Variants in GRM7 observed in about 807,000 individuals in gnomAD.
GRM7 encodes metabotropic glutamate receptor 7.
A neutral mutation model predicts 84.5 loss-of-function variants in GRM7; 35 were observed. That is an observed-to-expected ratio of 0.41 (90% confidence interval 0.32 to 0.55). The LOEUF is 0.55. Among genes scored for constraint, GRM7 ranks in the 20% least tolerant of loss-of-function variants. The pLI is 0.19. For missense variants in GRM7, 1,003 were observed against 1,194.6 expected, an observed-to-expected ratio of 0.84 and a Z score of 2.36; for synonymous variants, 487 against 455.1, an observed-to-expected ratio of 1.07 and a Z score of -0.89.
intron 4 of GRM7, among the ~76,000 whole-genome samples, chr3:7,383,370 A>G (rs1694662411): frequency 6.6e-6 from 1 of 152,162 alleles, no homozygotes; most frequent in South Asian, 2.1e-4. Context: ...ATGGACATAA[A>G]GATGGTTTAT....
chr3:7,501,730 T>C (rs911746918), intron 7 of GRM7, among the ~76,000 whole-genome samples: 1 of 152,228 alleles, frequency 6.6e-6, no homozygotes, highest in Non-Finnish European at 1.5e-5. Flanking sequence ...AGGAAGCATA[T>C]ATTTCATATT....
At chr3:7,232,870 T>G (rs888562477) in intron 2 of GRM7, among the ~76,000 whole-genome samples, 1 of 152,138 alleles carries the variant, frequency 6.6e-6, no homozygotes, top group Non-Finnish European at 1.5e-5. Flanking sequence ...CATAGTCTTC[T>G]TAGGATTTCT....
intron 5 of GRM7, among the ~76,000 whole-genome samples, chr3:7,417,632 G>C (rs1228172525): frequency 6.6e-6 from 1 of 152,084 alleles, no homozygotes; most frequent in Non-Finnish European, 1.5e-5. Context: ...TGAATACAAT[G>C]AATGTTTTTA....
chr3:7,519,043 T>G (rs982498876), intron 7 of GRM7, among the ~76,000 whole-genome samples: 1 of 152,176 alleles, frequency 6.6e-6, no homozygotes, highest in East Asian at 1.9e-4. Context: ...AATTTTGCAT[T>G]TGAGGAAATT....
At position 7,096,304 on chromosome 3, in the gene GRM7, AT is replaced by A. The variant is rs1698858347; in HGVS notation, c.520-50147del. ...CTTCTACAAGACTGTCTTTAATTCA[AT>A]AGCCATACTTTGAGGGTCCCCAGGA... On this transcript the variant is annotated intron_variant, in intron 1 of 9. Transcript: ENST00000357716. Among the ~76,000 whole-genome samples, 3 of 152,122 alleles carry A rather than the reference AT, an allele frequency of 2.0e-5. No individual in the cohort carries two copies. The South Asian group carries it at 6.2e-4, about 31-fold the overall frequency.
intron 8 of GRM7, among the ~76,000 whole-genome samples, chr3:7,624,286 C>A (rs1697502115): frequency 6.6e-6 from 1 of 151,912 alleles, no homozygotes; most frequent in Non-Finnish European, 1.5e-5. Context: ...GAAGGCCTCT[C>A]CAAAAAGATG....
intron 1 of GRM7, among the ~76,000 whole-genome samples, chr3:6,945,728 T>G (rs895751143): frequency 6.6e-6 from 1 of 152,134 alleles, no homozygotes; most frequent in African/African-American, 2.4e-5. Context: ...GCACCTGTTG[T>G]TTCCTGACTT....
At chr3:7,693,387 T>C (rs536388728) in intron 9 of GRM7, among the ~76,000 whole-genome samples, 158 of 150,798 alleles carry the variant, frequency 1.0e-3, no homozygotes, top group African/African-American at 3.7e-3. Flanking sequence ...CATCACCTGC[T>C]CCTCTCTCTG....
intron 1 of GRM7, among the ~76,000 whole-genome samples, chr3:6,892,324 G>T (rs1447471147): frequency 6.6e-6 from 1 of 152,064 alleles, no homozygotes; most frequent in African/African-American, 2.4e-5. Flanking sequence ...CCCGTATCCT[G>T]CTCCTGTTGG....
At chr3:6,908,763 G>A (rs1696668219) in intron 1 of GRM7, among the ~76,000 whole-genome samples, 1 of 152,124 alleles carries the variant, frequency 6.6e-6, no homozygotes, top group South Asian at 2.1e-4. Flanking sequence ...CAGCCACACT[G>A]TATGAGAAAC....
chr3:7,430,871 A>G (rs1696800653), intron 5 of GRM7, among the ~76,000 whole-genome samples: 1 of 152,230 alleles, frequency 6.6e-6, no homozygotes, highest in Non-Finnish European at 1.5e-5. Flanking sequence ...TCTCTGGAGC[A>G]AAGGTCAAAT....
intron 2 of GRM7, among the ~76,000 whole-genome samples, chr3:7,221,248 C>T (rs1307776232): frequency 1.3e-5 from 2 of 152,064 alleles, no homozygotes; most frequent in African/African-American, 4.8e-5. Flanking sequence ...GTTTGTTAAA[C>T]ATTTGGTTTT....
intron 7 of GRM7, among the ~76,000 whole-genome samples, chr3:7,470,827 C>T (rs189676855): frequency 4.6e-5 from 7 of 152,188 alleles, no homozygotes; most frequent in Admixed American, 2.6e-4. Context: ...AGAAAGTCAA[C>T]TAATGTACGA....
intron 4 of GRM7, among the ~76,000 whole-genome samples, chr3:7,313,337 T>C (rs1354306967): frequency 6.6e-6 from 1 of 150,502 alleles, no homozygotes; most frequent in Non-Finnish European, 1.5e-5. Context: ...AAAAGACAGA[T>C]AGAAAAAGCA....
chr3:7,077,082 G>A (rs1698112500), intron 1 of GRM7, among the ~76,000 whole-genome samples: 1 of 152,180 alleles, frequency 6.6e-6, no homozygotes, highest in Non-Finnish European at 1.5e-5. Flanking sequence ...AACAGGTGCT[G>A]GAGAGTCTGT....
At chr3:7,451,596 G>A (rs1697770588) in intron 5 of GRM7, among the ~76,000 whole-genome samples, 1 of 152,124 alleles carries the variant, frequency 6.6e-6, no homozygotes, top group Non-Finnish European at 1.5e-5. Context: ...GGGCTTTGGG[G>A]TCTGACAAGC....
intron 5 of GRM7, among the ~76,000 whole-genome samples, chr3:7,435,994 G>C (rs555565601): frequency 5.8e-4 from 87 of 150,808 alleles, no homozygotes; most frequent in African/African-American, 2.0e-3. Context: ...GAGCCACCAG[G>C]CCCAGCCATG....
intron 1 of GRM7, among the ~76,000 whole-genome samples, chr3:7,112,194 T>G (rs934608682): frequency 1.3e-5 from 2 of 151,698 alleles, no homozygotes; most frequent in South Asian, 2.1e-4. Context: ...ATGTTTTTCC[T>G]TAATAATTAG....
intron 8 of GRM7, among the ~76,000 whole-genome samples, chr3:7,608,382 A>G (rs185941975): frequency 6.6e-6 from 1 of 152,230 alleles, no homozygotes; most frequent in East Asian, 1.9e-4. Flanking sequence ...CCTTGCCAGC[A>G]TCTGTTATTT....
Sources: allele counts gnomAD v4.1 joint callset (sites outside exome capture counted in the v4.1 genomes callset), GRCh38; gene constraint gnomAD v4.1.1; transcripts MANE v1.5; gene names NCBI Gene and HGNC (gene_info 2026-07-23, HGNC 2026-07-21).